CEP85L: variants seen among roughly 807,000 people sequenced by gnomAD.
CEP85L encodes the protein centrosomal protein 85L, also known as centrosomal protein of 85 kDa-like.
A neutral mutation model predicts 100.3 loss-of-function variants in CEP85L; 60 were observed. The ratio of observed to expected loss-of-function variants is 0.60; its 90% confidence interval spans 0.49 to 0.74. The LOEUF is 0.74. Ranked by LOEUF, CEP85L falls within the 30% of genes least tolerant of loss-of-function variation. The pLI is 0.00. For missense variants in CEP85L, 973 were observed against 936.2 expected (o/e 1.04, Z -0.51); for synonymous variants, 319 against 322.7 (o/e 0.99, Z 0.12).
intron 2 of CEP85L, among the ~76,000 whole-genome samples, chr6:118,580,495 T>C (rs919372624): frequency 6.6e-6 from 1 of 152,216 alleles, no homozygotes; most frequent in African/African-American, 2.4e-5. Context: ...TAGCTACACT[T>C]ATCGTTGGCT....
intron 2 of CEP85L, among the ~76,000 whole-genome samples, chr6:118,586,333 C>G (rs1473791959): frequency 6.6e-6 from 1 of 152,136 alleles, no homozygotes; most frequent in East Asian, 1.9e-4. Context: ...GATCGGGAAA[C>G]CTCTGAGCTA....
At chr6:118,475,866 T>C (rs1773329500) in intron 10 of CEP85L, among the ~76,000 whole-genome samples, 1 of 152,138 alleles carries the variant, frequency 6.6e-6, no homozygotes, top group African/African-American at 2.4e-5. Flanking sequence ...GTGCTGAGGA[T>C]TGTAATGCTT....
At chr6:118,647,711 C>T (rs1000014346) in intron 1 of CEP85L, among the ~76,000 whole-genome samples, 2 of 152,146 alleles carry the variant, frequency 1.3e-5, no homozygotes, top group Non-Finnish European at 2.9e-5. Flanking sequence ...ATACTTAGCA[C>T]AACTAGGTAT....
intron 12 of CEP85L, among the ~76,000 whole-genome samples, chr6:118,467,001 T>C (rs574917851): frequency 1.3e-5 from 2 of 151,990 alleles, no homozygotes; most frequent in African/African-American, 2.4e-5. Flanking sequence ...AGGCGCCAGA[T>C]GAAGGAAAAA....
chr6:118,599,714 T>C (rs1781626892), intron 2 of CEP85L, among the ~76,000 whole-genome samples: 1 of 132,364 alleles, frequency 7.6e-6, no homozygotes, highest in Admixed American at 7.3e-5. Context: ...TGATGTCGAA[T>C]TATTATTATG....
At chr6:118,615,858 A>C (rs1773002962) in intron 2 of CEP85L, among the ~76,000 whole-genome samples, 1 of 152,190 alleles carries the variant, frequency 6.6e-6, no homozygotes, top group Non-Finnish European at 1.5e-5. Context: ...TGTGCACATG[A>C]CTTCGCAGTG....
At position 118,511,309 on chromosome 6, in the gene CEP85L, C is replaced by G; in HGVS notation, c.1246G>C (p.Ala416Pro). The change falls in exon 5 of 13, where the codon GCT becomes CCT. Residue 416 changes from alanine (A) to proline (P), a missense_variant. This residue lies in a region of CEP85L where 890 missense variants were observed against 844.5 expected (regional missense o/e 1.05). Transcript: ENST00000368491. ...HYVNCEDSYVASLQPQYENTS... is the reference protein window; with the variant it reads ...HYVNCEDSYVPSLQPQYENTS... ...CTCTGTAATCTTACCTGCAAACTAG[C>G]CACATAAGAATCCTCACAATTTACA... 2 of 1,607,522 alleles carry G rather than the reference C, an allele frequency of 1.2e-6. No homozygotes were observed. Among genetic ancestry groups the G allele is most frequent in the Non-Finnish European group, 1.7e-6 (2 of 1,174,482 alleles).
At chr6:118,655,501 G>A (rs1775758226), upstream of CEP85L, among the ~76,000 whole-genome samples, 1 of 152,142 alleles carries the variant, frequency 6.6e-6, no homozygotes, top group African/African-American at 2.4e-5. Context: ...TACTTGTTTG[G>A]GACAGCAACC....
At chr6:118,476,036 T>C (rs1773342232) in intron 10 of CEP85L, among the ~76,000 whole-genome samples, 1 of 152,144 alleles carries the variant, frequency 6.6e-6, no homozygotes, top group Non-Finnish European at 1.5e-5. Flanking sequence ...ACAAATAATG[T>C]GAGTATCCAT....
At chr6:118,610,764 GAA>G (rs554907020) in intron 2 of CEP85L, among the ~76,000 whole-genome samples, 22 of 150,442 alleles carry the variant, frequency 1.5e-4, no homozygotes, top group Non-Finnish European at 2.4e-4. Context: ...AAATCAGCCA[GAA>G]AAAAAAATGA....
At chr6:118,586,288 T>C (rs998297186) in intron 2 of CEP85L, among the ~76,000 whole-genome samples, 2 of 152,238 alleles carry the variant, frequency 1.3e-5, no homozygotes, top group African/African-American at 4.8e-5. Context: ...AAATGCTGTA[T>C]GGACACACTT....
intron 6 of CEP85L, among the ~76,000 whole-genome samples, chr6:118,491,144 C>A (rs925604670): frequency 1.3e-5 from 2 of 150,876 alleles, no homozygotes; most frequent in African/African-American, 4.9e-5. Context: ...TACTCGTTTA[C>A]ATTCTCACCA....
intron 6 of CEP85L, among the ~76,000 whole-genome samples, chr6:118,490,349 A>G (rs1308883693): frequency 6.6e-6 from 1 of 152,214 alleles, no homozygotes; most frequent in Non-Finnish European, 1.5e-5. Flanking sequence ...TCTTTCTACA[A>G]CGAAAAGAGA....
At chr6:118,502,269 T>C in intron 5 of CEP85L, 1 of 559,364 alleles carries the variant, frequency 1.8e-6, no homozygotes, top group Non-Finnish European at 3.3e-6. Context: ...TCAGCAAGGA[T>C]AATTCAGATT....
chr6:118,522,839 A>T (rs961325380), intron 4 of CEP85L, among the ~76,000 whole-genome samples: 3 of 151,588 alleles, frequency 2.0e-5, no homozygotes, highest in African/African-American at 7.3e-5. Context: ...AGATGGCACC[A>T]CTGCACTCCA....
intron 3 of CEP85L, among the ~76,000 whole-genome samples, chr6:118,533,294 A>G (rs1202735048): frequency 6.6e-6 from 1 of 152,208 alleles, no homozygotes; most frequent in Non-Finnish European, 1.5e-5. Flanking sequence ...AGATATCACT[A>G]CAGACCATCA....
At chr6:118,577,777 T>C (rs1366573118) in intron 2 of CEP85L, among the ~76,000 whole-genome samples, 5 of 152,166 alleles carry the variant, frequency 3.3e-5, no homozygotes, top group African/African-American at 1.2e-4. Context: ...AATTCTAAAA[T>C]AGAATTCTAG....
chr6:118,607,906 C>T (rs1371117884), intron 2 of CEP85L, among the ~76,000 whole-genome samples: 1 of 152,068 alleles, frequency 6.6e-6, no homozygotes, highest in Non-Finnish European at 1.5e-5. Flanking sequence ...TCTATGGTCG[C>T]CAGAAATATG....
intron 2 of CEP85L, among the ~76,000 whole-genome samples, chr6:118,612,937 G>A (rs1312446099): frequency 6.6e-6 from 1 of 152,016 alleles, no homozygotes; most frequent in Non-Finnish European, 1.5e-5. Flanking sequence ...ACTGAAATGA[G>A]GCCAGGTGTG....
Sources: gnomAD v4.1 joint callset for allele counts (sites outside exome capture counted in the v4.1 genomes callset) on GRCh38, gnomAD v4.1.1 for gene constraint, gnomAD v4.1.1 regional missense constraint, MANE v1.5 for transcripts, NCBI Gene and HGNC (gene_info 2026-07-23, HGNC 2026-07-21) for gene names.